Variants in LRRC8A observed in about 807,000 individuals in gnomAD.
The protein encoded by LRRC8A is leucine rich repeat containing 8 VRAC subunit A.
A neutral mutation model predicts 52.5 loss-of-function variants in LRRC8A; 24 were observed. The ratio of observed to expected loss-of-function variants is 0.46; its 90% CI spans 0.33 to 0.64. The LOEUF (loss-of-function observed/expected upper bound fraction) is 0.64. Among genes scored for constraint, LRRC8A ranks in the 30% least tolerant of loss-of-function variants. LRRC8A has a pLI of 0.02. For missense variants in LRRC8A, 677 were observed against 1,094.7 expected, an observed-to-expected ratio of 0.62 and a Z score of 5.38; for synonymous variants, 492 against 494.2, an observed-to-expected ratio of 1.00 and a Z score of 0.06.
At chr9:128,898,666 A>G (rs1186657853) in intron 2 of LRRC8A, among the ~76,000 whole-genome samples, 1 of 152,228 alleles carries the variant, frequency 6.6e-6, no homozygotes, top group Non-Finnish European at 1.5e-5. Context: ...CCTCTAAGGC[A>G]GGGCCTATCT....
chr9:128,916,702 C>T lies in LRRC8A; in HGVS notation c.*331C>T, dbSNP rs1840836946. 3.7e-6 allele frequency: 1 copy of T among 268,462 alleles called. No individual in the cohort carries two copies. Among genetic ancestry groups the T allele is most frequent in the Non-Finnish European group, 7.1e-6 (1 of 140,642 alleles). 16.6% of individuals were successfully genotyped at this position (268,462 alleles called of 1,614,324 possible). The stretch of plus-strand genomic sequence containing the variant: ...CTGCCACCAGAGGTCCTGGGACCCT[C>T]ACTTTAGTTCTTGGTATTTATTTTT... On this transcript the variant is annotated 3_prime_UTR_variant, in exon 4 of 4. Coordinates refer to ENST00000372600, the MANE Select transcript of LRRC8A (RefSeq NM_019594.4). This position sits in a 1 kb window ranked among gnomAD's most constrained non-coding sequence, Gnocchi z 6.1.
chr9:128,891,749 C>G (rs12552053), intron 2 of LRRC8A, among the ~76,000 whole-genome samples: 216 of 152,232 alleles, frequency 1.4e-3, no homozygotes, highest in Middle Eastern at 3.4e-3. Flanking sequence ...CCATGTACCC[C>G]CTAAGGAAAA....
At position 128,902,640 on chromosome 9, in the gene LRRC8A, C is replaced by T. The variant is rs758549035; in HGVS notation, c.-8-4517C>T. ...GCACCGGGCTCCTCTCCTCCCTCTT[C>T]TGTTCCCCAGTCTTTAGGTCCTGGC... On this transcript the variant is annotated intron_variant, in intron 2 of 3. Transcript: ENST00000372600. The surrounding 1 kb of genome is among the most constrained non-coding windows in gnomAD (Gnocchi z 4.1). 1.3e-5 allele frequency among the ~76,000 whole-genome samples: 2 copies of T among 152,230 alleles called. No individual in the cohort carries two copies. The highest frequency in any genetic ancestry group is 2.9e-5 in the Non-Finnish European group (2 of 68,032).
chr9:128,882,610 G>T (rs545921504), intron 1 of LRRC8A: 6 of 398,612 alleles, frequency 1.5e-5, no homozygotes, highest in Non-Finnish European at 2.7e-5. Flanking sequence ...GTTCCTAGAG[G>T]TTCCACCTCT....
At chr9:128,909,347 G>C in intron 3 of LRRC8A, 26 bp downstream of exon 3, 2 of 1,602,872 alleles carry the variant, frequency 1.2e-6, no homozygotes, top group East Asian at 2.2e-5. Context: ...ACAGCTCTGC[G>C]TGTGGGCTGG....
At chr9:128,913,090 G>A (rs1388696101) in intron 3 of LRRC8A, among the ~76,000 whole-genome samples, 1 of 152,176 alleles carries the variant, frequency 6.6e-6, no homozygotes, top group African/African-American at 2.4e-5. Context: ...CTTGCTCACT[G>A]TGGAGAGCAG....
intron 2 of LRRC8A, among the ~76,000 whole-genome samples, chr9:128,897,155 C>G (rs1005617182): frequency 2.0e-5 from 3 of 152,164 alleles, no homozygotes; most frequent in Non-Finnish European, 2.9e-5. Flanking sequence ...CAATACGTTA[C>G]GTTTCCTATA....
At chr9:128,898,227 T>C (rs770815518) in intron 2 of LRRC8A, among the ~76,000 whole-genome samples, 36 of 152,134 alleles carry the variant, frequency 2.4e-4, no homozygotes, top group Non-Finnish European at 4.0e-4. Context: ...GTTTTTTGTT[T>C]GTTTGTTTTG....
At position 128,916,503 on chromosome 9, in the gene LRRC8A, C is replaced by T; in HGVS notation, c.*132C>T. On this transcript the variant is annotated 3_prime_UTR_variant, in exon 4 of 4. Coordinates refer to ENST00000372600, the MANE Select transcript of LRRC8A (RefSeq NM_019594.4). The surrounding 1 kb of genome is among the most constrained non-coding windows in gnomAD (Gnocchi z 6.1). ...GTGGCTGGGCAGGAGCCTGGGGCCG[C>T]TTGTGAGTCAGGCCAGAGCGAGAGG... 1 of 1,167,334 alleles carries T rather than the reference C, an allele frequency of 8.6e-7. No homozygotes were observed. The highest frequency in any genetic ancestry group is 1.5e-5 in the African/African-American group (1 of 64,650). The allele number at this position is 1,167,334 out of a possible 1,614,324, so 72.3% of individuals were successfully genotyped here.
Position 128,916,647 on chromosome 9 carries a change from C to T in LRRC8A, c.*276C>T. On this transcript the variant is annotated 3_prime_UTR_variant, in exon 4 of 4. Transcript: ENST00000372600. The surrounding 1 kb of genome is among the most constrained non-coding windows in gnomAD (Gnocchi z 6.1). The stretch of plus-strand genomic sequence containing the variant: ...TATTTGGATAATCAGGGTCTCCTCC[C>T]TGGAGGCCAGCTCTGCCCCAGGGGC... 2.4e-6 allele frequency: 1 copy of T among 413,180 alleles called. No homozygotes were observed. The highest frequency in any genetic ancestry group is 4.4e-6 in the Non-Finnish European group (1 of 227,564). The allele number at this position is 413,180 out of a possible 1,614,324, so 25.6% of individuals were successfully genotyped here.
chr9:128,889,249 G>A (rs1171172157), intron 2 of LRRC8A, among the ~76,000 whole-genome samples: 1 of 151,968 alleles, frequency 6.6e-6, no homozygotes, highest in Non-Finnish European at 1.5e-5. Flanking sequence ...TGTTCCCCTG[G>A]GCCCACCACC....
At chr9:128,890,564 G>C (rs1000790852) in intron 2 of LRRC8A, among the ~76,000 whole-genome samples, 13 of 152,136 alleles carry the variant, frequency 8.5e-5, no homozygotes, top group South Asian at 8.3e-4. Flanking sequence ...GGGACACCTC[G>C]CATCTCCCAG....
At chr9:128,885,348 C>A (rs1268728778) in intron 1 of LRRC8A, 3 of 152,238 alleles carry the variant, frequency 2.0e-5, no homozygotes, top group African/African-American at 7.2e-5. Flanking sequence ...CCATGCCGAG[C>A]CCGCAAGCCT....
rs554988954 is a variant in LRRC8A at position 128,916,165 on chromosome 9, C to T, written c.2227C>T (p.Leu743=). 1 of 1,613,416 alleles carries T rather than the reference C, an allele frequency of 6.2e-7. No individual in the cohort carries two copies. The highest frequency in any genetic ancestry group is 1.7e-5 in the Admixed American group (1 of 60,026). The change falls in exon 4 of 4, where the codon CTG becomes TTG. Residue 743 remains leucine, a synonymous_variant. Transcript: ENST00000372600. This position sits in a 1 kb window ranked among gnomAD's most constrained non-coding sequence, Gnocchi z 6.1. ...GGCCCTGCACCTGGGCAACAACGTG[C>T]TGCAGTCACTGCCCTCCAGGGTGGG... ...LRALHLGNNV[L]QSLPSRVGEL...
rs1439897319 is a variant in LRRC8A, at chr9:128,892,143, A to G, written c.-9+6022A>G. ...CCCAGCGAGGTGAAGGGACTTTCTC[A>G]CGGTCTCGTGGTGAGGTGGGTGCCA... On this transcript the variant is annotated intron_variant, in intron 2 of 3. Coordinates refer to ENST00000372600, the MANE Select transcript of LRRC8A (RefSeq NM_019594.4). This position sits in a 1 kb window ranked among gnomAD's most constrained non-coding sequence, Gnocchi z 5.2. 6.6e-6 allele frequency among the ~76,000 whole-genome samples: 1 copy of G among 152,202 alleles called. No individual in the cohort carries two copies. The highest frequency in any genetic ancestry group is 2.4e-5 in the African/African-American group (1 of 41,456).
At chr9:128,886,648 G>A (rs527403400) in intron 2 of LRRC8A, among the ~76,000 whole-genome samples, 1 of 152,316 alleles carries the variant, frequency 6.6e-6, no homozygotes, top group South Asian at 2.1e-4. Context: ...TGGGGACTGG[G>A]ATTCCTTGGC....
rs926428722 is a variant in LRRC8A, at chr9:128,901,187, G to A, written c.-8-5970G>A. Reference sequence around the variant, plus strand: ...GACTCCATCTCAAAAAAAACAGACCGGGCACAGTGGCTCATGCCTGTAATC... The same window carrying A: ...GACTCCATCTCAAAAAAAACAGACCAGGCACAGTGGCTCATGCCTGTAATC... On this transcript the variant is annotated intron_variant, in intron 2 of 3. Transcript: ENST00000372600. Among the ~76,000 whole-genome samples, 5 of 150,596 alleles carry A rather than the reference G, an allele frequency of 3.3e-5. No homozygotes were observed. In the South Asian group the frequency reaches 1.1e-3, roughly 32 times the overall value.
In LRRC8A at chr9:128,902,058, G is replaced by A. The variant is rs1223804632; in HGVS notation, c.-8-5099G>A. Among the ~76,000 whole-genome samples, 1 of 152,198 alleles carries A rather than the reference G, an allele frequency of 6.6e-6. No homozygotes were observed. The highest frequency in any genetic ancestry group is 2.4e-5 in the African/African-American group (1 of 41,466). The stretch of plus-strand genomic sequence containing the variant: ...TAGGCCCAGGCACCAGCCGGGCCAG[G>A]CCTGTGAGAGACTCCAGTCCAGGCC... On this transcript the variant is annotated intron_variant, in intron 2 of 3. Transcript: ENST00000372600. The surrounding 1 kb of genome is among the most constrained non-coding windows in gnomAD (Gnocchi z 4.1).
chr9:128,891,904 G>A (rs145197245), intron 2 of LRRC8A, among the ~76,000 whole-genome samples: 1 of 152,258 alleles, frequency 6.6e-6, no homozygotes, highest in East Asian at 1.9e-4. Context: ...GTGGCCTTGG[G>A]CAGGTTACCA....
Sources: allele counts gnomAD v4.1 joint callset (sites outside exome capture counted in the v4.1 genomes callset), GRCh38; gene constraint gnomAD v4.1.1; non-coding constraint Gnocchi (gnomAD v3.1); transcripts MANE v1.5; gene names NCBI Gene and HGNC (gene_info 2026-07-23, HGNC 2026-07-21).